Variants in DGKI observed in about 807,000 individuals in gnomAD.
DGKI encodes diacylglycerol kinase iota.
A neutral mutation model predicts 147.5 loss-of-function variants in DGKI; 55 were observed. That is an observed-to-expected ratio of 0.37 (90% confidence interval 0.30 to 0.47). DGKI has a LOEUF of 0.47. DGKI is among the 20% of genes least tolerant of loss of function. The pLI, the probability that DGKI is intolerant of heterozygous loss-of-function variation, is 1.00. For missense variants in DGKI, 1,007 were observed against 1,323.8 expected (o/e 0.76, Z 3.71); for synonymous variants, 469 against 477.1 (o/e 0.98, Z 0.22).
At chr7:137,750,399 C>G (rs1795460235) in intron 1 of DGKI, among the ~76,000 whole-genome samples, 1 of 152,272 alleles carries the variant, frequency 6.6e-6, no homozygotes, top group South Asian at 2.1e-4. Flanking sequence ...AGGGGAGGAT[C>G]CTGTGTAGAT....
At chr7:137,662,453 C>T (rs1034517319) in intron 3 of DGKI, among the ~76,000 whole-genome samples, 2 of 152,028 alleles carry the variant, frequency 1.3e-5, no homozygotes, top group Non-Finnish European at 2.9e-5. Context: ...CTGTGTTAGC[C>T]GGGATGGTCT....
intron 1 of DGKI, among the ~76,000 whole-genome samples, chr7:137,813,012 A>G (rs531772665): frequency 6.6e-6 from 1 of 152,332 alleles, no homozygotes; most frequent in South Asian, 2.1e-4. Context: ...GCCCCAAACA[A>G]TGACCCTGAG....
intron 21 of DGKI, among the ~76,000 whole-genome samples, chr7:137,519,360 G>A (rs1004219936): frequency 6.6e-6 from 1 of 152,002 alleles, no homozygotes; most frequent in Non-Finnish European, 1.5e-5. Context: ...GCAAGATTCT[G>A]CTAAACAGTG....
At chr7:137,726,517 T>C (rs1407533258) in intron 1 of DGKI, among the ~76,000 whole-genome samples, 2 of 152,348 alleles carry the variant, frequency 1.3e-5, no homozygotes, top group East Asian at 3.9e-4. Flanking sequence ...TGGATCATGA[T>C]GTTTGTTGTT....
At chr7:137,841,759 A>G (rs1798549719) in intron 1 of DGKI, among the ~76,000 whole-genome samples, 1 of 152,164 alleles carries the variant, frequency 6.6e-6, no homozygotes, top group Non-Finnish European at 1.5e-5. Flanking sequence ...CTCACTAGGA[A>G]CCCTCATTTC....
intron 6 of DGKI, among the ~76,000 whole-genome samples, chr7:137,625,843 G>A (rs1447375274): frequency 6.6e-6 from 1 of 151,970 alleles, no homozygotes; most frequent in African/African-American, 2.4e-5. Context: ...GCAGAGACCT[G>A]CATACCTAAC....
rs998146868 is a variant in DGKI, at chr7:137,546,252, G to C, written c.2147+6117C>G. Reference sequence around the variant, plus strand: ...GGGATCGATGCTGGACGGCAGGTCGGGGGGTGTAGGGGGATGACCATGGCC... The same window carrying C: ...GGGATCGATGCTGGACGGCAGGTCGCGGGGTGTAGGGGGATGACCATGGCC... On this transcript the variant is annotated intron_variant, in intron 20 of 32. Transcript: ENST00000614521. Among the ~76,000 whole-genome samples the C allele has an allele frequency of 2.0e-5, 3 of 152,122 alleles. No individual in the cohort carries two copies. The South Asian group carries it at 6.2e-4, about 32-fold the overall frequency.
chr7:137,593,852 C>T (rs1405887941), intron 12 of DGKI, among the ~76,000 whole-genome samples: 2 of 152,134 alleles, frequency 1.3e-5, no homozygotes, highest in Admixed American at 6.5e-5. Context: ...ATTAAAGTTC[C>T]CTTGAACAAT....
At position 137,386,912 on chromosome 7, in the gene DGKI, T is replaced by A. The variant is rs1326308554; in HGVS notation, c.*4308A>T. The A allele has an allele frequency of 6.6e-6, 1 of 152,176 alleles. No homozygotes were observed. The highest frequency in any genetic ancestry group is 2.1e-4 in the South Asian group (1 of 4,828). 9.4% of individuals were successfully genotyped at this position (152,176 alleles called of 1,614,324 possible). ...TGTTTTTCTACTTCTTTTCCTAAAA[T>A]GAATATAATTCATTTAAATAGAACA... On this transcript the variant is annotated 3_prime_UTR_variant, in exon 33 of 33. Coordinates refer to ENST00000614521, the MANE Select transcript of DGKI (RefSeq NM_001321708.2).
At chr7:137,559,274 TTA>T (rs1818335855) in intron 19 of DGKI, among the ~76,000 whole-genome samples, 3 of 151,054 alleles carry the variant, frequency 2.0e-5, no homozygotes, top group African/African-American at 4.9e-5. Flanking sequence ...GGTTTCACCG[TTA>T]TAGCCGGGAT....
intron 20 of DGKI, among the ~76,000 whole-genome samples, chr7:137,549,813 T>C (rs971012687): frequency 2.8e-4 from 43 of 152,260 alleles, no homozygotes; most frequent in African/African-American, 1.0e-3. Context: ...TCTGGTAAAA[T>C]TGAAAGAAAT....
intron 1 of DGKI, among the ~76,000 whole-genome samples, chr7:137,809,616 A>T (rs57115507): frequency 0.091 from 13,829 of 152,246 alleles, 1,788 homozygotes; most frequent in African/African-American, 0.29. Flanking sequence ...TAGTTTAGTT[A>T]AAACTACAAG....
At position 137,715,544 on chromosome 7, in the gene DGKI, C is replaced by A. The variant is rs1209811855; in HGVS notation, c.402-25542G>T. ...GTTGTTCCTTTTAGCCTCATCCAGA[C>A]CACCAATTGGGTATTAAATGGAGTC... On this transcript the variant is annotated intron_variant, in intron 1 of 32. Coordinates refer to ENST00000614521, the MANE Select transcript of DGKI (RefSeq NM_001321708.2). 3.3e-5 allele frequency among the ~76,000 whole-genome samples: 5 copies of A among 152,188 alleles called. No individual in the cohort carries two copies. In the South Asian group the frequency reaches 8.3e-4, roughly 25 times the overall value.
chr7:137,597,129 T>C (rs1819825029), intron 12 of DGKI, among the ~76,000 whole-genome samples: 1 of 152,162 alleles, frequency 6.6e-6, no homozygotes, highest in South Asian at 2.1e-4. Flanking sequence ...TTTTCATAAA[T>C]GAATACAAAC....
intron 1 of DGKI, among the ~76,000 whole-genome samples, chr7:137,841,998 T>C (rs200129226): frequency 6.6e-6 from 1 of 152,202 alleles, no homozygotes; most frequent in African/African-American, 2.4e-5. Context: ...CGGACAGTGG[T>C]TGAATTGAAA....
chr7:137,711,723 C>A (rs573303880), intron 1 of DGKI, among the ~76,000 whole-genome samples: 16 of 119,774 alleles, frequency 1.3e-4, no homozygotes, highest in African/African-American at 4.8e-4. Context: ...AAGACGGAGT[C>A]TCGCTCTGTC....
chr7:137,497,625 G>C (rs193159822), intron 21 of DGKI, among the ~76,000 whole-genome samples: 1 of 151,942 alleles, frequency 6.6e-6, no homozygotes, highest in East Asian at 1.9e-4. Flanking sequence ...AAAAAAATGC[G>C]ATCATGTCCT....
At chr7:137,603,617 G>A (rs1167154224) in intron 10 of DGKI, among the ~76,000 whole-genome samples, 3 of 152,206 alleles carry the variant, frequency 2.0e-5, no homozygotes, top group Non-Finnish European at 1.5e-5. Flanking sequence ...CTCTGATACA[G>A]ACGTCTGCTA....
At chr7:137,419,345 T>C (rs1272609877) in intron 28 of DGKI, among the ~76,000 whole-genome samples, 1 of 152,246 alleles carries the variant, frequency 6.6e-6, no homozygotes, top group East Asian at 1.9e-4. Flanking sequence ...ATAGTTTGCC[T>C]TTATTCAATC....
Sources: gnomAD v4.1 joint callset for allele counts (sites outside exome capture counted in the v4.1 genomes callset) on GRCh38, gnomAD v4.1.1 for gene constraint, MANE v1.5 for transcripts, NCBI Gene and HGNC (gene_info 2026-07-23, HGNC 2026-07-21) for gene names.